The following RBFOX1 variants were observed in gnomAD, a reference collection of about 807,000 sequenced individuals.
RBFOX1 encodes the protein RNA binding fox-1 homolog 1.
Under a neutral mutation model 57.7 loss-of-function variants are expected in RBFOX1, and 8 were observed. The ratio of observed to expected loss-of-function variants is 0.14; its 90% CI spans 0.08 to 0.25. The LOEUF is 0.25. Among genes scored for constraint, RBFOX1 ranks in the 10% least tolerant of loss-of-function variants. The pLI is 1.00. For missense variants in RBFOX1, 611 were observed against 548.5 expected (o/e 1.11, Z -1.14); for synonymous variants, 326 against 222.4 (o/e 1.47, Z -4.15).
At chr16:5,392,889 T>A (rs1358316426) in intron 1 of RBFOX1, among the ~76,000 whole-genome samples, 1 of 152,140 alleles carries the variant, frequency 6.6e-6, no homozygotes, top group Non-Finnish European at 1.5e-5. Context: ...AATCTTTACA[T>A]CCTGGCACTT....
chr16:5,444,516 C>G (rs924837946), intron 1 of RBFOX1, among the ~76,000 whole-genome samples: 5 of 152,174 alleles, frequency 3.3e-5, no homozygotes, highest in Admixed American at 1.3e-4. Flanking sequence ...CTCTGCGGAA[C>G]TGGCCATTAA....
chr16:6,297,257 C>T (rs926660994), intron 1 of RBFOX1, among the ~76,000 whole-genome samples: 1 of 152,138 alleles, frequency 6.6e-6, no homozygotes, highest in Non-Finnish European at 1.5e-5. Flanking sequence ...CATCCTCTGA[C>T]TTAGAATGCC....
At chr16:6,076,730 G>C (rs1472078440) in intron 1 of RBFOX1, among the ~76,000 whole-genome samples, 4 of 152,172 alleles carry the variant, frequency 2.6e-5, no homozygotes, top group Non-Finnish European at 5.9e-5. Context: ...TAGGCAGGTG[G>C]ATAGACAAGC....
intron 1 of RBFOX1, chr16:6,092,935 G>A (rs994826208): frequency 8.5e-5 from 13 of 152,058 alleles, no homozygotes; most frequent in East Asian, 5.8e-4. Flanking sequence ...TGGGAAGAAA[G>A]TGTGGATAAA....
chr16:5,301,939 T>C (rs931858570), intron 1 of RBFOX1, among the ~76,000 whole-genome samples: 1 of 152,218 alleles, frequency 6.6e-6, no homozygotes, highest in African/African-American at 2.4e-5. Context: ...ATATGTTTTT[T>C]ATTTCACTGA....
chr16:6,606,475 T>G (rs111872316), intron 2 of RBFOX1, among the ~76,000 whole-genome samples: 2,670 of 152,248 alleles, frequency 0.018, 83 homozygotes, highest in African/African-American at 0.058. Flanking sequence ...ACCTAGTTAT[T>G]AAGCCCCATA....
intron 4 of RBFOX1, among the ~76,000 whole-genome samples, chr16:7,176,436 A>G (rs776745307): frequency 2.0e-5 from 3 of 152,090 alleles, no homozygotes; most frequent in Non-Finnish European, 2.9e-5. Flanking sequence ...ATAGATATGT[A>G]CGAGGTATCT....
intron 1 of RBFOX1, among the ~76,000 whole-genome samples, chr16:6,208,591 A>G (rs571681581): frequency 6.6e-6 from 1 of 152,290 alleles, no homozygotes; most frequent in South Asian, 2.1e-4. Flanking sequence ...TAGATCAATC[A>G]ACCCATGTCC....
intron 4 of RBFOX1, among the ~76,000 whole-genome samples, chr16:7,393,957 C>T (rs980259897): frequency 6.6e-6 from 1 of 151,896 alleles, no homozygotes; most frequent in Non-Finnish European, 1.5e-5. Flanking sequence ...ATAGAATGGC[C>T]TGGTGTGGTG....
chr16:6,957,794 G>A (rs1048284695), intron 3 of RBFOX1, among the ~76,000 whole-genome samples: 2 of 152,110 alleles, frequency 1.3e-5, no homozygotes, highest in Non-Finnish European at 2.9e-5. Flanking sequence ...ATACCTTAGG[G>A]AAAGCCAGGC....
At chr16:6,855,015 A>T (rs1382072987) in intron 3 of RBFOX1, among the ~76,000 whole-genome samples, 2 of 151,858 alleles carry the variant, frequency 1.3e-5, no homozygotes, top group Non-Finnish European at 2.9e-5. Flanking sequence ...GTGCCACCTA[A>T]GGACAATGTT....
At chr16:6,795,778 GAAA>G (rs113767362) in intron 3 of RBFOX1, among the ~76,000 whole-genome samples, 1 of 134,528 alleles carries the variant, frequency 7.4e-6, no homozygotes, top group African/African-American at 2.6e-5. Flanking sequence ...AATAAAAAAT[GAAA>G]AAAAAAAAAA....
At chr16:7,304,598 C>T (rs1016241964) in intron 4 of RBFOX1, 7 of 984,804 alleles carry the variant, frequency 7.1e-6, no homozygotes, top group Non-Finnish European at 8.4e-6. Context: ...GAGGGGGCTC[C>T]CGCGTTGCGA....
chr16:6,551,982 C>T (rs2096998563), intron 2 of RBFOX1, among the ~76,000 whole-genome samples: 1 of 152,174 alleles, frequency 6.6e-6, no homozygotes, highest in Admixed American at 6.5e-5. Context: ...CTAGTCATAT[C>T]CCATTACCAG....
chr16:5,416,967 GTTC>G (rs1435369186), intron 1 of RBFOX1, among the ~76,000 whole-genome samples: 2 of 152,146 alleles, frequency 1.3e-5, no homozygotes, highest in Non-Finnish European at 2.9e-5. Flanking sequence ...GCAATGAAAA[GTTC>G]TTCTGTGTAA....
intron 3 of RBFOX1, among the ~76,000 whole-genome samples, chr16:6,964,106 C>T (rs1279633822): frequency 6.6e-6 from 1 of 152,112 alleles, no homozygotes; most frequent in East Asian, 1.9e-4. Flanking sequence ...GCAACCTCCG[C>T]CTCCCGAATC....
At chr16:7,413,724 C>G (rs893335893) in intron 4 of RBFOX1, among the ~76,000 whole-genome samples, 2 of 152,014 alleles carry the variant, frequency 1.3e-5, no homozygotes, top group African/African-American at 4.8e-5. Context: ...TTCAAACAAG[C>G]AAAGGGGGTT....
intron 1 of RBFOX1, among the ~76,000 whole-genome samples, chr16:5,380,706 G>T (rs879935541): frequency 2.0e-5 from 3 of 152,206 alleles, no homozygotes; most frequent in Non-Finnish European, 4.4e-5. Flanking sequence ...GGGCAAGTAA[G>T]TTGTCCAAAG....
chr16:6,938,148 G>C lies in RBFOX1; in HGVS notation c.-15-113909G>C, dbSNP rs182066013. On this transcript the variant is annotated intron_variant, in intron 3 of 15. Coordinates refer to ENST00000550418, the MANE Select transcript of RBFOX1 (RefSeq NM_018723.4). ...CATATAGAAATTTTGAACTATTCAA[G>C]TTCATTGTTTAAAAACAAATTTCTG... Among the ~76,000 whole-genome samples, 47 of 152,196 alleles carry C rather than the reference G, an allele frequency of 3.1e-4. No individual in the cohort carries two copies. In the East Asian group the frequency reaches 7.5e-3, roughly 24 times the overall value.
Sources: allele counts gnomAD v4.1 joint callset (sites outside exome capture counted in the v4.1 genomes callset), GRCh38; gene constraint gnomAD v4.1.1; transcripts MANE v1.5; gene names NCBI Gene and HGNC (gene_info 2026-07-23, HGNC 2026-07-21).